SPAG5: variants seen among roughly 807,000 people sequenced by gnomAD.
SPAG5 encodes the protein sperm-associated antigen 5.
In SPAG5, 99 loss-of-function variants were observed where a neutral mutation model predicts 145.4. The ratio of observed to expected loss-of-function variants is 0.68; its 90% CI spans 0.58 to 0.80. The LOEUF is 0.80. Ranked by LOEUF, SPAG5 falls within the 30% of genes least tolerant of loss-of-function variation. The pLI is 0.00. For missense variants in SPAG5, 1,192 were observed against 1,416.0 expected, an observed-to-expected ratio of 0.84 and a Z score of 2.54; for synonymous variants, 477 against 525.4, an observed-to-expected ratio of 0.91 and a Z score of 1.26.
At chr17:28,580,596 T>C (rs1041538217) in intron 15 of SPAG5, 27 of 152,310 alleles carry the variant, frequency 1.8e-4, no homozygotes, top group African/African-American at 6.5e-4. Flanking sequence ...CTGACCTATT[T>C]GATATTGATG....
Position 28,592,113 on chromosome 17 carries a change from G to T in SPAG5, c.1131C>A (p.Thr377=). The change falls in exon 3 of 24, where the codon ACC becomes ACA. Residue 377 remains threonine, a synonymous_variant. Transcript: ENST00000321765. The part of the protein sequence containing the change: ...SMLRDAAIGT[T]PFSTCSVGTW... ...TCCCCACCGAGCAAGTAGAGAAAGG[G>T]GTAGTGCCAATTGCAGCATCCCGAA... 6.2e-7 allele frequency: 1 copy of T among 1,614,152 alleles called. No homozygotes were observed. The highest frequency in any genetic ancestry group is 8.5e-7 in the Non-Finnish European group (1 of 1,180,032).
intron 15 of SPAG5, chr17:28,580,699 T>C (rs917730886): frequency 1.3e-5 from 2 of 152,344 alleles, no homozygotes; most frequent in African/African-American, 4.8e-5. Flanking sequence ...TCTGGTTATT[T>C]CTTCTCTATT....
chr17:28,598,731 G>A (rs1017859342), intron 1 of SPAG5, 96 bp from the exon 2 acceptor site: 72 of 1,535,156 alleles, frequency 4.7e-5, no homozygotes, highest in Admixed American at 1.8e-5. Flanking sequence ...AATGCGATTA[G>A]AAGAGTACGC....
At chr17:28,586,528 T>G in intron 4 of SPAG5, 29 bp from the exon 5 acceptor site, 1 of 1,577,328 alleles carries the variant, frequency 6.3e-7, no homozygotes, top group Non-Finnish European at 8.7e-7. Context: ...TTGTTCCTTG[T>G]TTTGTTTGTT....
chr17:28,593,654 G>A (rs2070640078), intron 2 of SPAG5, among the ~76,000 whole-genome samples: 1 of 151,988 alleles, frequency 6.6e-6, no homozygotes, highest in South Asian at 2.1e-4. Context: ...AGCTCAGGGG[G>A]CAGAGGTTGC....
chr17:28,581,537 ACCTCAGCTTTTCCAATCCCAAATCCT>A (rs1229974022), intron 15 of SPAG5, among the ~76,000 whole-genome samples: 2 of 150,446 alleles, frequency 1.3e-5, no homozygotes, highest in African/African-American at 4.9e-5. Flanking sequence ...TCCCAGCTGG[ACCTCAGCTTTTCCAATCCCAAATCCT>A]CCTCTACTTG....
chr17:28,586,487 G>A lies in SPAG5; in HGVS notation c.1450C>T (p.Leu484Phe). The A allele has an allele frequency of 6.2e-7, 1 of 1,613,356 alleles. No individual in the cohort carries two copies. The highest frequency in any genetic ancestry group is 8.5e-7 in the Non-Finnish European group (1 of 1,179,274). The change falls in exon 5 of 24, where the codon CTT becomes TTT. Residue 484 changes from leucine to phenylalanine, a missense_variant. Leu to Phe is a conservative substitution (Grantham distance 22). This residue lies in a region of SPAG5 where 709 missense variants were observed against 840.7 expected (regional missense o/e 0.84). Coordinates refer to ENST00000321765, the MANE Select transcript of SPAG5 (RefSeq NM_006461.4). Reference sequence around the variant, plus strand: ...TCATGGCTCTCCTTAAGATGCTGAAGTTTATTAGTTATCTAGCCAGAAAAA... The same window carrying A: ...TCATGGCTCTCCTTAAGATGCTGAAATTTATTAGTTATCTAGCCAGAAAAA... ...DTSHSGITNKLQHLKESHEMG... is the reference protein window; with the variant it reads ...DTSHSGITNKFQHLKESHEMG...
At chr17:28,598,460 C>T (rs1189457376) in intron 2 of SPAG5, 50 bp downstream of exon 2, 1 of 1,597,276 alleles carries the variant, frequency 6.3e-7, no homozygotes, top group Non-Finnish European at 8.5e-7. Context: ...CCCCTGAGCT[C>T]TCACCCTGGG....
chr17:28,598,034 G>A (rs1465439100), intron 2 of SPAG5, among the ~76,000 whole-genome samples: 2 of 152,196 alleles, frequency 1.3e-5, no homozygotes, highest in Non-Finnish European at 2.9e-5. Context: ...CTCTCAAAAC[G>A]TTTAACAAAA....
At chr17:28,591,582 A>G in intron 4 of SPAG5, 116 bp downstream of exon 4, 1 of 1,007,626 alleles carries the variant, frequency 9.9e-7, no homozygotes, top group Non-Finnish European at 1.4e-6. Flanking sequence ...CAGCTTTTGC[A>G]AATGTTCTAA....
intron 14 of SPAG5, 22 bp downstream of exon 14, chr17:28,583,831 T>A (rs1308058949): frequency 1.3e-6 from 2 of 1,597,778 alleles, no homozygotes; most frequent in Non-Finnish European, 1.7e-6. Context: ...TAGGGGGAAG[T>A]ACAGAAAGTT....
chr17:28,578,125 TA>T (rs1567622060), intron 22 of SPAG5, 35 bp from the exon 23 acceptor site: 1 of 1,611,504 alleles, frequency 6.2e-7, no homozygotes, highest in East Asian at 2.2e-5. Context: ...GTCCTATGCA[TA>T]AAAGAGCAAA....
chr17:28,581,738 T>A (rs1192757823), intron 15 of SPAG5, among the ~76,000 whole-genome samples: 2 of 152,154 alleles, frequency 1.3e-5, no homozygotes, highest in Non-Finnish European at 2.9e-5. Flanking sequence ...CTAGCTCCCC[T>A]CAGTCTCATC....
intron 5 of SPAG5, 64 bp from the exon 6 acceptor site, chr17:28,586,246 G>A (rs2151521069): frequency 1.4e-6 from 2 of 1,430,546 alleles, no homozygotes; most frequent in East Asian, 2.3e-5. Flanking sequence ...CAGGGGCACT[G>A]GGGAGGAAAA....
rs748229782 is a variant in SPAG5 at position 28,584,234 on chromosome 17, C to T, written c.2328G>A (p.Met776Ile). The T allele has an allele frequency of 2.5e-6, 4 of 1,613,938 alleles. No homozygotes were observed. The highest frequency in any genetic ancestry group is 3.4e-6 in the Non-Finnish European group (4 of 1,180,034). ...GTTCTGCCTGCATGTGTTTTAGTGCCATCTCTTCCTTTTGCCATCTGCCAG... is the reference window on the plus strand; with the variant it reads ...GTTCTGCCTGCATGTGTTTTAGTGCTATCTCTTCCTTTTGCCATCTGCCAG... ...EQAAQWQKEE[M>I]ALKHMQAELQ... The change falls in exon 13 of 24, where the codon ATG becomes ATA. Residue 776 changes from methionine (M) to isoleucine (I), a missense_variant. Physicochemically the swap from Met to Ile is conservative, Grantham distance 10. Transcript: ENST00000321765.
At chr17:28,587,246 T>C in intron 4 of SPAG5, among the ~76,000 whole-genome samples, 1 of 122,596 alleles carries the variant, frequency 8.2e-6, no homozygotes, top group Non-Finnish European at 1.6e-5. Context: ...AAACCCCATC[T>C]CTAAAAAAAA....
intron 1 of SPAG5, 75 bp downstream of exon 1, chr17:28,598,821 A>G: frequency 6.3e-7 from 1 of 1,574,854 alleles, no homozygotes; most frequent in Non-Finnish European, 8.7e-7. Flanking sequence ...CCAACTTTCC[A>G]GGACAGTAGA....
chr17:28,580,708 T>C (rs980921364), intron 15 of SPAG5: 4 of 152,252 alleles, frequency 2.6e-5, no homozygotes, highest in Admixed American at 2.6e-4. Context: ...TTCTTCTCTA[T>C]TCACAGGTCC....
intron 4 of SPAG5, 146 bp from the exon 5 acceptor site, chr17:28,586,645 C>G (rs1240757190): frequency 1.6e-6 from 1 of 623,148 alleles, no homozygotes; most frequent in East Asian, 3.0e-5. Flanking sequence ...AATTCTCATG[C>G]CTCAGCCTCC....
Sources: gnomAD v4.1 joint callset for allele counts (sites outside exome capture counted in the v4.1 genomes callset) on GRCh38, gnomAD v4.1.1 for gene constraint, gnomAD v4.1.1 regional missense constraint, MANE v1.5 for transcripts, NCBI Gene and HGNC (gene_info 2026-07-23, HGNC 2026-07-21) for gene names.